SYTL2: variants seen among roughly 807,000 people sequenced by gnomAD.
SYTL2 encodes synaptotagmin-like protein 2.
SYTL2 carries 165 observed loss-of-function variants against 198.7 expected under a neutral mutation model. The observed-to-expected ratio is 0.83, with a 90% CI of 0.73 to 0.94. The LOEUF is 0.94. Ranked by LOEUF, SYTL2 falls within the 40% of genes least tolerant of loss-of-function variation. The pLI, the probability that SYTL2 is intolerant of heterozygous loss-of-function variation, is 0.00. For synonymous variants in SYTL2, 966 were observed against 917.7 expected, an observed-to-expected ratio of 1.05 and a Z score of -0.95; for missense variants, 2,835 against 2,582.8, an observed-to-expected ratio of 1.10 and a Z score of -2.12.
intron 2 of SYTL2, among the ~76,000 whole-genome samples, chr11:85,749,638 T>A (rs2091391333): frequency 6.6e-6 from 1 of 152,182 alleles, no homozygotes; most frequent in African/African-American, 2.4e-5. Context: ...GCCCCATCTA[T>A]AAACCCTAAC....
intron 1 of SYTL2, among the ~76,000 whole-genome samples, chr11:85,789,659 T>C (rs1276795055): frequency 1.3e-5 from 2 of 151,960 alleles, no homozygotes; most frequent in East Asian, 1.9e-4. Flanking sequence ...CAAAGAATCA[T>C]CTCAATCTTT....
the SYTL2 span, among the ~76,000 whole-genome samples, chr11:85,850,404 A>G: frequency 2.0e-5 from 3 of 152,126 alleles, no homozygotes; most frequent in African/African-American, 7.3e-5. Context: ...ACATTTATGC[A>G]GCCAAAAAAC....
rs2088941414 is a variant in SYTL2 at position 85,725,098 on chromosome 11, CCATGGTGATAT to C, written c.4249_4259del (p.Ile1417GlyfsTer21). 6.2e-7 allele frequency: 1 copy of C among 1,613,976 alleles called. No individual in the cohort carries two copies. Among genetic ancestry groups the C allele is most frequent in the South Asian group, 1.1e-5 (1 of 91,088 alleles). On this transcript the variant is annotated frameshift_variant, in exon 8 of 20. Coordinates refer to ENST00000359152, the MANE Select transcript of SYTL2 (RefSeq NM_206927.4). LOFTEE classifies it high-confidence loss of function. ...CTGGAACTATGGTGTCCATCGTAGC[CCATGGTGATAT>C]CACTCCTGGAGGATTTAGGGGGCTA...
Position 85,734,639 on chromosome 11 carries a change from T to C in SYTL2, c.690A>G (p.Gln230=). ...QTLPGLSNGS[Q]IKAPIPKARK... The stretch of plus-strand genomic sequence containing the variant: ...TGGCTTTGGGGATTGGAGCCTTGAT[T>C]TGGGACCCATTTGAAAGGCCTGGCA... The change falls in exon 7 of 20, where the codon CAA becomes CAG. Residue 230 remains glutamine, a synonymous_variant. Transcript: ENST00000359152. The C allele has an allele frequency of 6.2e-7, 1 of 1,614,218 alleles. No individual in the cohort carries two copies. Among genetic ancestry groups the C allele is most frequent in the Non-Finnish European group, 8.5e-7 (1 of 1,180,036 alleles).
chr11:85,744,805 A>G (rs1322719016), intron 4 of SYTL2, among the ~76,000 whole-genome samples: 1 of 152,212 alleles, frequency 6.6e-6, no homozygotes, highest in Non-Finnish European at 1.5e-5. Context: ...CCCTCTCACT[A>G]AAGGGTAACA....
chr11:85,704,968 C>T lies in SYTL2; in HGVS notation c.6079G>A (p.Asp2027Asn). ...QKLNLSIWHR[D>N]TFKRNSFLGE... ...AGGAAACTATTGCGCTTAAATGTATCCCGATGCCAAATGGACAGGTTCAAT... is the reference window on the plus strand; with the variant it reads ...AGGAAACTATTGCGCTTAAATGTATTCCGATGCCAAATGGACAGGTTCAAT... The change falls in exon 16 of 20, where the codon GAT becomes AAT. Residue 2027 changes from aspartate (D) to asparagine (N), a missense_variant. Asp to Asn is a conservative substitution (Grantham distance 23). Around this residue, in one of 3 missense-constraint regions of SYTL2, gnomAD observed 2,645 missense variants for 2,381.7 expected, o/e 1.11. Transcript: ENST00000359152. 1 of 1,613,590 alleles carries T rather than the reference C, an allele frequency of 6.2e-7. No individual in the cohort carries two copies. The highest frequency in any genetic ancestry group is 1.3e-5 in the African/African-American group (1 of 75,034).
chr11:85,751,278 C>G (rs1389618632), intron 2 of SYTL2, among the ~76,000 whole-genome samples: 1 of 152,148 alleles, frequency 6.6e-6, no homozygotes, highest in Non-Finnish European at 1.5e-5. Context: ...GTAGATAAAT[C>G]CATATGTATA....
chr11:85,828,415 C>T, the SYTL2 span, among the ~76,000 whole-genome samples: 3 of 152,190 alleles, frequency 2.0e-5, no homozygotes, highest in African/African-American at 4.8e-5. Context: ...TAGAATGATT[C>T]AACCGGTTAA....
chr11:85,754,761 T>G (rs1388633838), intron 2 of SYTL2, among the ~76,000 whole-genome samples: 1 of 152,146 alleles, frequency 6.6e-6, no homozygotes, highest in Non-Finnish European at 1.5e-5. Context: ...CACAGTTCAT[T>G]AGTGGTAGGA....
rs185970622 is a variant in SYTL2 at position 85,713,407 on chromosome 11, C to T, written c.5625+1006G>A. 2.2e-3 allele frequency among the ~76,000 whole-genome samples: 335 copies of T among 152,282 alleles called. 1 individual carries two copies. The highest frequency in any genetic ancestry group is 7.7e-3 in the African/African-American group (318 of 41,550). ...TTTTCCCTGCATTATCCTACCGATA[C>T]CCCACAACCTCACGTGGTAGGTGCA... On this transcript the variant is annotated intron_variant, in intron 12 of 19. Coordinates refer to ENST00000359152, the MANE Select transcript of SYTL2 (RefSeq NM_206927.4).
At chr11:85,851,131 C>G in the SYTL2 span, among the ~76,000 whole-genome samples, 1 of 151,806 alleles carries the variant, frequency 6.6e-6, no homozygotes, top group African/African-American at 2.4e-5. Flanking sequence ...ACATATGTAT[C>G]TAACCTGCAC....
chr11:85,775,640 G>A (rs915500683), intron 1 of SYTL2, among the ~76,000 whole-genome samples: 5 of 152,050 alleles, frequency 3.3e-5, no homozygotes, highest in African/African-American at 7.2e-5. Context: ...GTGCGACCAC[G>A]CCTGGCTAAT....
the SYTL2 span, among the ~76,000 whole-genome samples, chr11:85,817,902 CTTTTTTTTTTTTT>C: frequency 9.1e-6 from 1 of 109,914 alleles, no homozygotes; most frequent in Non-Finnish European, 1.8e-5. Flanking sequence ...TGTGTCTTTT[CTTTTTTTTTTTTT>C]TTTTTTGAGA....
chr11:85,826,771 G>A, the SYTL2 span, among the ~76,000 whole-genome samples: 1 of 152,362 alleles, frequency 6.6e-6, no homozygotes, highest in South Asian at 2.1e-4. Flanking sequence ...TTCACAGTCG[G>A]CAGGGACTCA....
chr11:85,734,774 A>C, intron 6 of SYTL2, 32 bp from the exon 7 acceptor site: 1 of 1,457,822 alleles, frequency 6.9e-7, no homozygotes, highest in Non-Finnish European at 9.4e-7. Flanking sequence ...GTGATATATC[A>C]TATAGAGAGT....
chr11:85,785,004 G>A (rs1332223892), intron 1 of SYTL2, among the ~76,000 whole-genome samples: 2 of 152,084 alleles, frequency 1.3e-5, no homozygotes, highest in African/African-American at 4.8e-5. Flanking sequence ...TCTTATTTGG[G>A]TATTATTTCT....
intron 2 of SYTL2, 57 bp from the exon 3 acceptor site, chr11:85,748,480 A>T: frequency 6.4e-7 from 1 of 1,554,208 alleles, no homozygotes. Context: ...AAATGAGTTC[A>T]TTATGACACC....
intron 14 of SYTL2, 117 bp downstream of exon 14, chr11:85,709,214 A>T (rs1393225319): frequency 1.0e-6 from 1 of 974,286 alleles, no homozygotes; most frequent in Non-Finnish European, 1.6e-6. Flanking sequence ...CCAACTTTTC[A>T]AACATTCCTC....
chr11:85,838,074 A>G, the SYTL2 span, among the ~76,000 whole-genome samples: 75 of 152,206 alleles, frequency 4.9e-4, no homozygotes, highest in African/African-American at 1.7e-3. Flanking sequence ...AGGCATAGCC[A>G]GATGTCTCCG....
Sources: allele counts gnomAD v4.1 joint callset (sites outside exome capture counted in the v4.1 genomes callset), GRCh38; gene constraint gnomAD v4.1.1; regional missense constraint gnomAD v4.1.1; transcripts MANE v1.5; gene names NCBI Gene and HGNC (gene_info 2026-07-23, HGNC 2026-07-21).